REPS1: variants seen among roughly 807,000 people sequenced by gnomAD.
REPS1 encodes ralBP1-associated Eps domain-containing protein 1.
Under a neutral mutation model 100.9 loss-of-function variants are expected in REPS1, and 39 were observed. The observed-to-expected ratio is 0.39, with a 90% confidence interval of 0.30 to 0.50. REPS1 has a LOEUF of 0.50. Among genes scored for constraint, REPS1 ranks in the 20% least tolerant of loss-of-function variants. The pLI, the probability that REPS1 is intolerant of heterozygous loss-of-function variation, is 0.86. For missense variants in REPS1, 821 were observed against 968.5 expected, an observed-to-expected ratio of 0.85 and a Z score of 2.02; for synonymous variants, 324 against 340.3, an observed-to-expected ratio of 0.95 and a Z score of 0.53.
At chr6:138,920,676 AAT>A (rs1160192260) in intron 11 of REPS1, among the ~76,000 whole-genome samples, 1 of 152,220 alleles carries the variant, frequency 6.6e-6, no homozygotes, top group African/African-American at 2.4e-5. Flanking sequence ...TTTAGTCTAA[AAT>A]GAGACATTCC....
At chr6:138,932,091 T>G (rs972392393) in intron 8 of REPS1, among the ~76,000 whole-genome samples, 2 of 152,270 alleles carry the variant, frequency 1.3e-5, no homozygotes, top group South Asian at 4.2e-4. Flanking sequence ...ACTGACAAAT[T>G]TAGGGCCAAG....
chr6:138,979,948 C>T (rs932381558), intron 1 of REPS1, among the ~76,000 whole-genome samples: 1 of 152,094 alleles, frequency 6.6e-6, no homozygotes, highest in Non-Finnish European at 1.5e-5. Flanking sequence ...ATCTCTCTAA[C>T]AGGCCTACTT....
chr6:138,907,867 T>G (rs1012167491), intron 18 of REPS1, among the ~76,000 whole-genome samples: 1 of 152,210 alleles, frequency 6.6e-6, no homozygotes, highest in African/African-American at 2.4e-5. Flanking sequence ...AAGTAGGTAC[T>G]GGCAAACCTT....
chr6:138,916,215 T>C (rs1052033801), intron 13 of REPS1: 7 of 348,592 alleles, frequency 2.0e-5, no homozygotes, highest in African/African-American at 1.8e-4. Flanking sequence ...AATTTCTTTT[T>C]TTCTTTTTTT....
chr6:138,963,720 G>A (rs188021423), intron 1 of REPS1, among the ~76,000 whole-genome samples: 5 of 152,202 alleles, frequency 3.3e-5, no homozygotes, highest in African/African-American at 7.2e-5. Flanking sequence ...ATGGACACAC[G>A]CCAAAGCCCC....
At chr6:138,941,835 T>C (rs1782271814) in intron 7 of REPS1, among the ~76,000 whole-genome samples, 1 of 152,216 alleles carries the variant, frequency 6.6e-6, no homozygotes, top group Admixed American at 6.5e-5. Context: ...TTTTCAAAAG[T>C]CTGTTTTTAT....
At chr6:138,929,791 T>C (rs1781372474) in intron 9 of REPS1, 186 bp downstream of exon 9, 2 of 485,814 alleles carry the variant, frequency 4.1e-6, no homozygotes, top group African/African-American at 2.0e-5. Flanking sequence ...GGAAATCAAA[T>C]GACAGAATAT....
At chr6:138,905,214 A>G in intron 19 of REPS1, 82 bp from the exon 20 acceptor site, 1 of 838,116 alleles carries the variant, frequency 1.2e-6, no homozygotes, top group Non-Finnish European at 2.0e-6. Context: ...GCTTCAAGAA[A>G]ACAATTTAAA....
intron 9 of REPS1, 173 bp from the exon 10 acceptor site, chr6:138,926,654 A>AT (rs3833657): frequency 0.19 from 111,829 of 578,686 alleles, 12,660 homozygotes; most frequent in African/African-American, 0.4. Flanking sequence ...ATTCTGGGTC[A>AT]CTTGTAATGT....
At chr6:138,945,782 G>C (rs1782574277) in intron 2 of REPS1, 85 bp from the exon 3 acceptor site, 1 of 1,134,418 alleles carries the variant, frequency 8.8e-7, no homozygotes, top group Non-Finnish European at 1.2e-6. Flanking sequence ...TTAGATATTA[G>C]AATTTTTGTA....
rs757836238 is a variant in REPS1 at position 138,941,459 on chromosome 6, T to A, written c.1011A>T (p.Ala337=). ...CAGCACAAAACTCATCCAGTGTCAATGCACCATCTTTATCAAAGTCTGAGA... is the reference window on the plus strand; with the variant it reads ...CAGCACAAAACTCATCCAGTGTCAAAGCACCATCTTTATCAAAGTCTGAGA... The part of the protein sequence containing the change: ...WELSDFDKDG[A]LTLDEFCAAF... The change falls in exon 8 of 20, where the codon GCA becomes GCT. Residue 337 remains alanine (A), a synonymous_variant. Coordinates refer to ENST00000450536, the MANE Select transcript of REPS1 (RefSeq NM_001286611.2). 3.7e-6 allele frequency: 6 copies of A among 1,614,010 alleles called. No individual in the cohort carries two copies. Among genetic ancestry groups the A allele is most frequent in the Non-Finnish European group, 5.1e-6 (6 of 1,179,924 alleles).
chr6:138,987,273 T>C (rs1322037104), intron 1 of REPS1, among the ~76,000 whole-genome samples: 2 of 152,208 alleles, frequency 1.3e-5, no homozygotes, highest in Non-Finnish European at 2.9e-5. Flanking sequence ...GAGCACAGAT[T>C]CTCAGGGTCG....
At chr6:138,922,004 T>A (rs78570658) in intron 10 of REPS1, among the ~76,000 whole-genome samples, 13,358 of 146,566 alleles carry the variant, frequency 0.091, 1,223 homozygotes, top group African/African-American at 0.23. Context: ...TGTGTGTGTG[T>A]GAGATTTACA....
rs554882040 is a variant in REPS1, at chr6:138,931,143, A to C, written c.1136-1045T>G. Among the ~76,000 whole-genome samples, 10 of 152,288 alleles carry C rather than the reference A, an allele frequency of 6.6e-5. No homozygotes were observed. The East Asian group carries it at 1.9e-3, about 29-fold the overall frequency. ...CCATGGGCAAGTTGAATGAAACAGC[A>C]CCTGAGTTTCTCCATCAGAAAGACA... is the stretch of plus-strand genomic sequence containing the variant. On this transcript the variant is annotated intron_variant, in intron 8 of 19. Transcript: ENST00000450536.
intron 1 of REPS1, among the ~76,000 whole-genome samples, chr6:138,985,875 T>C (rs1785229241): frequency 6.6e-6 from 1 of 152,240 alleles, no homozygotes. Context: ...GAAAGTTTTA[T>C]TTCAACTCTT....
intron 19 of REPS1, among the ~76,000 whole-genome samples, chr6:138,906,523 T>A (rs769980670): frequency 7.2e-5 from 11 of 152,216 alleles, no homozygotes; most frequent in Admixed American, 3.3e-4. Flanking sequence ...CAGAAATGAT[T>A]ATGATTTACC....
intron 9 of REPS1, chr6:138,928,378 C>T (rs207467467): frequency 2.0e-5 from 3 of 152,086 alleles, no homozygotes; most frequent in Non-Finnish European, 2.9e-5. Flanking sequence ...ATTACTAGTG[C>T]TTTCTGGAAG....
intron 10 of REPS1, among the ~76,000 whole-genome samples, chr6:138,921,775 G>A (rs1417101932): frequency 1.3e-5 from 2 of 151,622 alleles, no homozygotes; most frequent in East Asian, 1.9e-4. Context: ...ACAGGGTTTC[G>A]CTATGCTGGC....
chr6:138,987,500 C>A, intron 1 of REPS1, 30 bp downstream of exon 1: 1 of 1,537,796 alleles, frequency 6.5e-7, no homozygotes, highest in Non-Finnish European at 8.8e-7. Flanking sequence ...CAGGCCTAAG[C>A]CGCCCGCCGG....
Sources: allele counts gnomAD v4.1 joint callset (sites outside exome capture counted in the v4.1 genomes callset), GRCh38; gene constraint gnomAD v4.1.1; transcripts MANE v1.5; gene names NCBI Gene and HGNC (gene_info 2026-07-23, HGNC 2026-07-21).